PGCKA1: variants seen among roughly 807,000 people sequenced by gnomAD.
PGCKA1 encodes PDCD10 and GCKIII kinases-associated protein 1.
chr4:37,478,142 A>AC, the PGCKA1 span, among the ~76,000 whole-genome samples: 1,154 of 59,476 alleles, frequency 0.019, 100 homozygotes, highest in African/African-American at 0.052. Context: ...TTTTAAAAAC[A>AC]CCCCCCCCCA....
At chr4:37,453,855 G>C in the PGCKA1 span, 5 of 152,226 alleles carry the variant, frequency 3.3e-5, no homozygotes, top group Non-Finnish European at 7.3e-5. Flanking sequence ...GTGTCGGGAA[G>C]GCTCACCCGC....
At chr4:37,472,123 TGCCCCTGGCAG>T in the PGCKA1 span, among the ~76,000 whole-genome samples, 1 of 152,214 alleles carries the variant, frequency 6.6e-6, no homozygotes, top group Admixed American at 6.5e-5. Context: ...ATACTGCGTG[TGCCCCTGGCAG>T]GCATTGGCTA....
the PGCKA1 span, among the ~76,000 whole-genome samples, chr4:37,561,441 G>C: frequency 1.3e-3 from 204 of 152,344 alleles, no homozygotes; most frequent in African/African-American, 4.7e-3. Flanking sequence ...TTTAAAACTG[G>C]CTGGTTTAGA....
chr4:37,544,294 G>A, the PGCKA1 span, among the ~76,000 whole-genome samples: 1 of 151,938 alleles, frequency 6.6e-6, no homozygotes, highest in African/African-American at 2.4e-5. Flanking sequence ...TCCTACTTCT[G>A]AAATATCTCA....
At chr4:37,567,025 T>C in the PGCKA1 span, among the ~76,000 whole-genome samples, 2 of 152,068 alleles carry the variant, frequency 1.3e-5, no homozygotes, top group African/African-American at 2.4e-5. Context: ...GCAAAAGCTA[T>C]TGGAGCACAA....
chr4:37,493,992 C>T, the PGCKA1 span, among the ~76,000 whole-genome samples: 8 of 152,062 alleles, frequency 5.3e-5, no homozygotes, highest in African/African-American at 1.4e-4. Context: ...AAACTTAGGT[C>T]GCTTCCAAAT....
chr4:37,461,465 CTGTT>C, the PGCKA1 span, among the ~76,000 whole-genome samples: 1,205 of 151,952 alleles, frequency 7.9e-3, 37 homozygotes, highest in African/African-American at 0.028. Flanking sequence ...GAATGTTTTT[CTGTT>C]TGTTTGTGTC....
At chr4:37,588,789 A>C in the PGCKA1 span, 1 of 1,283,756 alleles carries the variant, frequency 7.8e-7, no homozygotes, top group East Asian at 2.3e-5. Flanking sequence ...AGGCAAACTT[A>C]ATTCCTACTA....
At chr4:37,519,394 C>G in the PGCKA1 span, among the ~76,000 whole-genome samples, 7 of 152,004 alleles carry the variant, frequency 4.6e-5, no homozygotes, top group Non-Finnish European at 1.0e-4. Context: ...TTCCAATCCA[C>G]AAATATGGAA....
At chr4:37,592,944 A>G in the PGCKA1 span, among the ~76,000 whole-genome samples, 1 of 152,246 alleles carries the variant, frequency 6.6e-6, no homozygotes, top group Non-Finnish European at 1.5e-5. Context: ...GCAATTATTT[A>G]GTATAAAACA....
chr4:37,511,994 T>C, the PGCKA1 span, among the ~76,000 whole-genome samples: 7 of 152,180 alleles, frequency 4.6e-5, no homozygotes, highest in Admixed American at 4.6e-4. Flanking sequence ...TACAGCCTGG[T>C]TTTGATTTCC....
chr4:37,492,722 G>T, the PGCKA1 span, among the ~76,000 whole-genome samples: 1 of 152,280 alleles, frequency 6.6e-6, no homozygotes, highest in African/African-American at 2.4e-5. This position sits in a 1 kb window ranked among gnomAD's most constrained non-coding sequence, Gnocchi z 4.7. Flanking sequence ...CCAGACTTCT[G>T]CTGAGGTAGA....
At chr4:37,531,263 A>G in the PGCKA1 span, among the ~76,000 whole-genome samples, 16 of 152,306 alleles carry the variant, frequency 1.1e-4, no homozygotes, top group African/African-American at 3.6e-4. Flanking sequence ...CCTCAAAGTC[A>G]CATGACTATG....
At chr4:37,576,470 A>C in the PGCKA1 span, among the ~76,000 whole-genome samples, 1 of 152,220 alleles carries the variant, frequency 6.6e-6, no homozygotes, top group Admixed American at 6.5e-5. Context: ...CAGTTCTAAT[A>C]GTTCTTTGGT....
the PGCKA1 span, among the ~76,000 whole-genome samples, chr4:37,517,568 A>G: frequency 6.6e-6 from 1 of 152,070 alleles, no homozygotes; most frequent in Non-Finnish European, 1.5e-5. Flanking sequence ...GGTTGAATCA[A>G]TTCTTCACGT....
the PGCKA1 span, among the ~76,000 whole-genome samples, chr4:37,554,211 A>T: frequency 6.6e-6 from 1 of 152,138 alleles, no homozygotes; most frequent in Non-Finnish European, 1.5e-5. Context: ...ATCCGCCATG[A>T]TTGTGAGGCC....
chr4:37,478,149 C>CA, the PGCKA1 span, among the ~76,000 whole-genome samples: 4 of 111,522 alleles, frequency 3.6e-5, no homozygotes, highest in African/African-American at 1.2e-4. Flanking sequence ...AACACCCCCC[C>CA]CCACCGCCAC....
chr4:37,506,524 T>C, the PGCKA1 span, among the ~76,000 whole-genome samples: 2 of 152,244 alleles, frequency 1.3e-5, no homozygotes, highest in East Asian at 1.9e-4. Flanking sequence ...AATTACTTCA[T>C]TGAAACACTG....
chr4:37,500,949 C>A, the PGCKA1 span, among the ~76,000 whole-genome samples: 12 of 152,012 alleles, frequency 7.9e-5, no homozygotes, highest in Admixed American at 4.6e-4. Context: ...TTATTTTTTT[C>A]TGTTTTCATT....
Sources: gnomAD v4.1 joint callset for allele counts (sites outside exome capture counted in the v4.1 genomes callset) on GRCh38, gnomAD v4.1.1 for gene constraint, Gnocchi (gnomAD v3.1) non-coding constraint, MANE v1.5 for transcripts, NCBI Gene and HGNC (gene_info 2026-07-23, HGNC 2026-07-21) for gene names.